ACTR2: variants seen among roughly 807,000 people sequenced by gnomAD.
ACTR2 encodes the protein actin-related protein 2.
In ACTR2, 5 loss-of-function variants were observed where a neutral mutation model predicts 50.2. The observed-to-expected ratio is 0.10, with a 90% CI of 0.05 to 0.21. The LOEUF is 0.21. Among genes scored for constraint, ACTR2 ranks in the 10% least tolerant of loss-of-function variants. The probability of loss-of-function intolerance (pLI) is 1.00; values close to 1 mark genes in which losing one functional copy is unlikely to be tolerated. For synonymous variants in ACTR2, 140 were observed against 162.9 expected (o/e 0.86, Z 1.07); for missense variants, 180 against 480.6 (o/e 0.37, Z 5.85).
At chr2:65,266,648 A>G (rs1402722540) in intron 8 of ACTR2, among the ~76,000 whole-genome samples, 1 of 152,088 alleles carries the variant, frequency 6.6e-6, no homozygotes, top group African/African-American at 2.4e-5. Context: ...TCTTGGGGGA[A>G]GAGGGAACAA....
At chr2:65,262,115 C>T (rs1488577632) in intron 7 of ACTR2, among the ~76,000 whole-genome samples, 1 of 152,186 alleles carries the variant, frequency 6.6e-6, no homozygotes, top group Non-Finnish European at 1.5e-5. Flanking sequence ...GAGTTCCTTA[C>T]ATATTTTGGA....
At chr2:65,242,083 T>C (rs1476187529) in intron 2 of ACTR2, 1 of 1,567,558 alleles carries the variant, frequency 6.4e-7, no homozygotes, top group African/African-American at 1.3e-5. Context: ...GTTACACACA[T>C]GCTCTGTTTG....
chr2:65,246,783 T>C lies in ACTR2; in HGVS notation c.375+44T>C, dbSNP rs761120880. The C allele has an allele frequency of 1.4e-5, 19 of 1,340,550 alleles. No individual in the cohort carries two copies. The Admixed American group carries it at 3.1e-4, about 22-fold the overall frequency. The allele number at this position is 1,340,550 out of a possible 1,614,324, so 83.0% of individuals were successfully genotyped here. A position where few individuals can be genotyped will look rare whatever the true frequency, so the allele number is the denominator to read the frequency against. On this transcript the variant is annotated intron_variant, in intron 3 of 8. Coordinates refer to ENST00000260641, the MANE Select transcript of ACTR2 (RefSeq NM_005722.4). Reference sequence around the variant, plus strand: ...TATGCATATGTGTATTTCTGTGATATTATGTTAAATCAAAAATTTTCTTAC... The same window carrying C: ...TATGCATATGTGTATTTCTGTGATACTATGTTAAATCAAAAATTTTCTTAC...
intron 8 of ACTR2, 73 bp downstream of exon 8, chr2:65,265,248 C>T (rs1362950163): frequency 6.4e-7 from 1 of 1,552,538 alleles, no homozygotes; most frequent in Admixed American, 1.7e-5. Flanking sequence ...ATCTTGACAA[C>T]CACCAGAGGG....
At chr2:65,246,154 T>TC (rs1463494155) in intron 2 of ACTR2, 1 of 161,802 alleles carries the variant, frequency 6.2e-6, no homozygotes, top group Non-Finnish European at 1.3e-5. Context: ...CAAGTTTTTT[T>TC]CCCCCTGATG....
chr2:65,227,917 G>C lies in ACTR2; in HGVS notation c.8G>C (p.Ser3Thr). The stretch of plus-strand genomic sequence containing the variant: ...CTCTTCCCTGGGCGGACGATGGACA[G>C]CCAGGGCAGGAAGGTGGTGGTGTGC... MD[S>T]QGRKVVVCDN... Residue 3 changes from serine to threonine, a missense_variant, in exon 1 of 9, where the codon AGC (serine) becomes ACC (threonine). Physicochemically the swap from Ser to Thr is moderately conservative, Grantham distance 58. Coordinates refer to ENST00000260641, the MANE Select transcript of ACTR2 (RefSeq NM_005722.4). 1 of 1,524,500 alleles carries C rather than the reference G, an allele frequency of 6.6e-7. No homozygotes were observed. Among genetic ancestry groups the C allele is most frequent in the Non-Finnish European group, 8.8e-7 (1 of 1,136,616 alleles). 94.4% of individuals were successfully genotyped at this position (1,524,500 alleles called of 1,614,324 possible). A position where few individuals can be genotyped will look rare whatever the true frequency, so the allele number is the denominator to read the frequency against.
At chr2:65,232,898 A>C in intron 1 of ACTR2, among the ~76,000 whole-genome samples, 1 of 152,298 alleles carries the variant, frequency 6.6e-6, no homozygotes, top group South Asian at 2.1e-4. Context: ...AAAATGATTG[A>C]CATGGGGGAG....
Position 65,250,450 on chromosome 2 carries a change from G to A in ACTR2, c.376-577G>A, listed in dbSNP as rs183923718. 5.2e-3 allele frequency among the ~76,000 whole-genome samples: 784 copies of A among 152,054 alleles called. 8 individuals carry two copies. The highest frequency in any genetic ancestry group is 0.018 in the African/African-American group (746 of 41,466). On this transcript the variant is annotated intron_variant, in intron 3 of 8. Coordinates refer to ENST00000260641, the MANE Select transcript of ACTR2 (RefSeq NM_005722.4). ...AGCACTTTGGGAGGCCGAGGTGGGT[G>A]GATCATGAGGTCAGGAGTTCGAGAC... is the stretch of plus-strand genomic sequence containing the variant.
Position 65,227,921 on chromosome 2 carries a change from G to C in ACTR2, c.12G>C (p.Gln4His). Residue 4 changes from glutamine (Q) to histidine (H), a missense_variant, in exon 1 of 9, where the codon CAG (glutamine) becomes CAC (histidine). Coordinates refer to ENST00000260641, the MANE Select transcript of ACTR2 (RefSeq NM_005722.4). ...TCCCTGGGCGGACGATGGACAGCCA[G>C]GGCAGGAAGGTGGTGGTGTGCGACA... MDSQGRKVVVCDNG... is the reference protein window; with the variant it reads MDSHGRKVVVCDNG... 2.0e-6 allele frequency: 3 copies of C among 1,525,910 alleles called. No individual in the cohort carries two copies. The highest frequency in any genetic ancestry group is 2.6e-6 in the Non-Finnish European group (3 of 1,137,500). 94.5% of individuals were successfully genotyped at this position (1,525,910 alleles called of 1,614,324 possible).
intron 1 of ACTR2, among the ~76,000 whole-genome samples, chr2:65,228,943 G>T (rs1671583753): frequency 6.6e-6 from 1 of 152,118 alleles, no homozygotes. Flanking sequence ...AGCCGGCCGT[G>T]GTGGTGCTTG....
intron 1 of ACTR2, among the ~76,000 whole-genome samples, chr2:65,229,404 T>A (rs10199619): frequency 0.012 from 1,788 of 152,208 alleles, 48 homozygotes; most frequent in African/African-American, 0.04. Flanking sequence ...TTACAAGCAA[T>A]AATTATGGTA....
chr2:65,264,106 T>C (rs1672329718), intron 7 of ACTR2, among the ~76,000 whole-genome samples: 1 of 152,128 alleles, frequency 6.6e-6, no homozygotes, highest in Non-Finnish European at 1.5e-5. Flanking sequence ...AGCTTCGACG[T>C]ACCTAAAGTG....
chr2:65,230,010 G>A (rs2103976920), intron 1 of ACTR2, among the ~76,000 whole-genome samples: 1 of 152,292 alleles, frequency 6.6e-6, no homozygotes, highest in Non-Finnish European at 1.5e-5. Context: ...GGATAAGGGA[G>A]TGAGGGAAGA....
In ACTR2 at chr2:65,239,676, C is replaced by T. The variant is rs761884509; in HGVS notation, c.49-176C>T. On this transcript the variant is annotated intron_variant, in intron 1 of 8. Transcript: ENST00000260641. ...CATGAACCCTGGAAGTAGGCAATGC[C>T]GTGAAAGAAGTTAAAAGGAGATGTT... Among the ~76,000 whole-genome samples the T allele has an allele frequency of 3.5e-4, 53 of 152,084 alleles. 2 individuals carry two copies. The highest frequency in any genetic ancestry group is 3.1e-3 in the Admixed American group (48 of 15,270).
intron 2 of ACTR2, among the ~76,000 whole-genome samples, chr2:65,244,003 T>A (rs268858): frequency 0.58 from 88,320 of 151,938 alleles, 27,264 homozygotes; most frequent in African/African-American, 0.74. Flanking sequence ...GGATAGCTTG[T>A]ATAGTCAAAC....
intron 1 of ACTR2, among the ~76,000 whole-genome samples, chr2:65,237,428 G>C (rs569771598): frequency 7.2e-4 from 109 of 152,088 alleles, no homozygotes; most frequent in Admixed American, 2.9e-3. Context: ...TTTTTTCCGG[G>C]GGGGAATCTT....
intron 8 of ACTR2, among the ~76,000 whole-genome samples, 188 bp from the exon 9 acceptor site, chr2:65,268,376 G>A (rs1672425150): frequency 6.6e-6 from 1 of 152,126 alleles, no homozygotes; most frequent in Non-Finnish European, 1.5e-5. Flanking sequence ...TGGATGTGTG[G>A]TCTCCTAAAC....
chr2:65,258,647 C>G (rs1192172114), intron 6 of ACTR2, among the ~76,000 whole-genome samples: 1 of 152,054 alleles, frequency 6.6e-6, no homozygotes, highest in African/African-American at 2.4e-5. Context: ...CACACATATA[C>G]ACAAGTATAA....
chr2:65,242,529 A>G (rs918394050), intron 2 of ACTR2: 7 of 401,524 alleles, frequency 1.7e-5, no homozygotes, highest in Non-Finnish European at 3.4e-5. Flanking sequence ...TGTGTACTTA[A>G]TAAACTGAGT....
Sources: allele counts gnomAD v4.1 joint callset (sites outside exome capture counted in the v4.1 genomes callset), GRCh38; gene constraint gnomAD v4.1.1; transcripts MANE v1.5; gene names NCBI Gene and HGNC (gene_info 2026-07-23, HGNC 2026-07-21).